The following PPFIA1 variants were observed in gnomAD, a reference collection of about 807,000 sequenced individuals.
The protein encoded by PPFIA1 is PPFI scaffold protein A1.
A neutral mutation model predicts 149.9 loss-of-function variants in PPFIA1; 25 were observed. The observed-to-expected ratio is 0.17, with a 90% CI of 0.12 to 0.23. The LOEUF (loss-of-function observed/expected upper bound fraction) is 0.23, where lower values mean the gene tolerates loss of function less well. Among genes scored for constraint, PPFIA1 ranks in the 10% least tolerant of loss-of-function variants. PPFIA1 has a pLI of 1.00. For synonymous variants in PPFIA1, 549 were observed against 552.8 expected, an observed-to-expected ratio of 0.99 and a Z score of 0.10; for missense variants, 1,362 against 1,506.5, an observed-to-expected ratio of 0.90 and a Z score of 1.59.
intron 15 of PPFIA1, among the ~76,000 whole-genome samples, chr11:70,344,793 G>T (rs763517890): frequency 6.6e-6 from 1 of 152,202 alleles, no homozygotes; most frequent in South Asian, 2.1e-4. Context: ...ACAAACAGTC[G>T]ACAGATAGAG....
intron 2 of PPFIA1, among the ~76,000 whole-genome samples, chr11:70,313,291 G>A (rs548070590): frequency 6.6e-6 from 1 of 152,324 alleles, no homozygotes; most frequent in East Asian, 1.9e-4. Flanking sequence ...GGCAGATAAT[G>A]CAACAGAAGT....
chr11:70,337,416 C>T lies in PPFIA1; in HGVS notation c.1480C>T (p.Gln494Ter), dbSNP rs2055048981. Residue 494 changes from glutamine (Q) to a stop codon, truncating the protein, a stop_gained, in exon 12 of 28, where the codon CAA becomes TAA. Transcript: ENST00000253925. LOFTEE classifies it high-confidence loss of function. ...ESAKKQLEET[Q>*]HDKDQLVLNI... ...TGCAAAAAAGCAGTTAGAAGAAACA[C>T]AACACGATAAGGTACTGAAATCTTC... The T allele has an allele frequency of 6.3e-7, 1 of 1,595,256 alleles. No homozygotes were observed. The highest frequency in any genetic ancestry group is 8.5e-7 in the Non-Finnish European group (1 of 1,169,666).
In PPFIA1 at chr11:70,272,252, C is replaced by G. The variant is rs2050138181; in HGVS notation, c.80C>G (p.Pro27Arg). 1 of 1,614,174 alleles carries G rather than the reference C, an allele frequency of 6.2e-7. No individual in the cohort carries two copies. Among genetic ancestry groups the G allele is most frequent in the South Asian group, 1.1e-5 (1 of 91,088 alleles). The stretch of plus-strand genomic sequence containing the variant: ...GGTGGAGGCCATGGTTCCGGCTCCC[C>G]TTCACAGCCAGATGCAGATTCACAT... ...GGGGGHGSGS[P>R]SQPDADSHFE... is the part of the protein sequence containing the mutation. The change falls in exon 2 of 28, where the codon CCT becomes CGT. Residue 27 changes from proline to arginine, a missense_variant. Pro to Arg is a moderately radical substitution (Grantham distance 103). Transcript: ENST00000253925.
At chr11:70,340,590 C>T (rs2055269569) in intron 14 of PPFIA1, among the ~76,000 whole-genome samples, 1 of 152,184 alleles carries the variant, frequency 6.6e-6, no homozygotes, top group Admixed American at 6.5e-5. Flanking sequence ...CGTCACTCAA[C>T]AGCTAGTTTG....
chr11:70,295,337 C>G (rs2051856727), intron 2 of PPFIA1, among the ~76,000 whole-genome samples: 1 of 141,540 alleles, frequency 7.1e-6, no homozygotes, highest in Admixed American at 7.0e-5. Flanking sequence ...GGGGCTGACC[C>G]CCCCCACCTC....
In PPFIA1 at chr11:70,333,510, A is replaced by G; in HGVS notation, c.1253A>G (p.Gln418Arg). ...GGCAACATTGAAGAAAGGTTACGAC[A>G]GATGGAAGCACAGTTGGAGGAGAAG... ...RHGNIEERLR[Q>R]MEAQLEEKNQ... Residue 418 changes from glutamine to arginine, a missense_variant, in exon 10 of 28, where the codon CAG (glutamine) becomes CGG (arginine). By Grantham distance (43) the Gln-to-Arg change is conservative (BLOSUM62 1). Transcript: ENST00000253925. 1 of 1,613,484 alleles carries G rather than the reference A, an allele frequency of 6.2e-7. No individual in the cohort carries two copies. Among genetic ancestry groups the G allele is most frequent in the Non-Finnish European group, 8.5e-7 (1 of 1,179,788 alleles).
intron 26 of PPFIA1, among the ~76,000 whole-genome samples, chr11:70,380,411 C>CAA (rs1183784440): frequency 3.7e-4 from 42 of 113,100 alleles, no homozygotes; most frequent in Middle Eastern, 4.7e-3. Context: ...ACTAAAAATA[C>CAA]AAAAAAAAAA....
At chr11:70,372,044 T>A (rs986425177) in intron 21 of PPFIA1, 171 bp from the exon 22 acceptor site, 8 of 478,922 alleles carry the variant, frequency 1.7e-5, no homozygotes, top group Non-Finnish European at 2.4e-5. Context: ...ATAAAAATTT[T>A]ACTAACAAAT....
At chr11:70,286,925 T>C (rs1476660453) in intron 2 of PPFIA1, among the ~76,000 whole-genome samples, 1 of 140,790 alleles carries the variant, frequency 7.1e-6, no homozygotes, top group Admixed American at 7.0e-5. Context: ...TATACACACA[T>C]ATATATACAC....
chr11:70,352,518 C>T (rs1311293442), intron 16 of PPFIA1, among the ~76,000 whole-genome samples: 1 of 152,054 alleles, frequency 6.6e-6, no homozygotes, highest in Non-Finnish European at 1.5e-5. Flanking sequence ...TACTTGGTGT[C>T]TTTGAGGAGC....
At chr11:70,338,776 G>A (rs2055132797) in intron 13 of PPFIA1, among the ~76,000 whole-genome samples, 1 of 152,232 alleles carries the variant, frequency 6.6e-6, no homozygotes, top group African/African-American at 2.4e-5. Flanking sequence ...TGCTGGCACG[G>A]GTGGGACAAT....
At chr11:70,334,336 A>C (rs1293124743) in intron 10 of PPFIA1, 1 of 152,170 alleles carries the variant, frequency 6.6e-6, no homozygotes, top group African/African-American at 2.4e-5. Flanking sequence ...ATTTAAGGCT[A>C]CTAGATTTTG....
intron 21 of PPFIA1, chr11:70,365,418 G>A (rs756552898): frequency 1.8e-5 from 8 of 456,438 alleles, no homozygotes; most frequent in East Asian, 1.4e-4. Flanking sequence ...GGAAACGCTC[G>A]CAGCCACGCC....
chr11:70,310,206 A>C (rs75294288), intron 2 of PPFIA1, among the ~76,000 whole-genome samples: 1 of 152,182 alleles, frequency 6.6e-6, no homozygotes, highest in Admixed American at 6.5e-5. Flanking sequence ...TGTGTTTATT[A>C]TAAAGTGGCT....
At chr11:70,298,265 G>A (rs1033013027) in intron 2 of PPFIA1, among the ~76,000 whole-genome samples, 1 of 152,160 alleles carries the variant, frequency 6.6e-6, no homozygotes, top group African/African-American at 2.4e-5. Context: ...GTGTGTAGTG[G>A]GGTGCTGAGC....
chr11:70,380,045 T>C (rs2057645774), intron 26 of PPFIA1, among the ~76,000 whole-genome samples: 1 of 152,236 alleles, frequency 6.6e-6, no homozygotes, highest in Non-Finnish European at 1.5e-5. Context: ...TCAGTTTTCC[T>C]TCTGATAAAT....
chr11:70,299,896 A>T lies in PPFIA1; in HGVS notation c.265-24506A>T, dbSNP rs571120349. ...CACACTTGCCACAGCCACCAGCCTAACCTCAGCCATCGCTTTGGGAGGGTT... is the reference window on the plus strand; with the variant it reads ...CACACTTGCCACAGCCACCAGCCTATCCTCAGCCATCGCTTTGGGAGGGTT... On this transcript the variant is annotated intron_variant, in intron 2 of 27. Coordinates refer to ENST00000253925, the MANE Select transcript of PPFIA1 (RefSeq NM_003626.5). 2.2e-4 allele frequency among the ~76,000 whole-genome samples: 33 copies of T among 152,208 alleles called. No individual in the cohort carries two copies. In the South Asian group the frequency reaches 6.8e-3, roughly 32 times the overall value.
chr11:70,348,322 C>G lies in PPFIA1; in HGVS notation c.2065C>G (p.Leu689Val), dbSNP rs758113105. ...CATTCCCCCCTACCCTGCTTCCTCGCTTGCTAGCTCCTCCCCTCCGGGCAG... is the reference window on the plus strand; with the variant it reads ...CATTCCCCCCTACCCTGCTTCCTCGGTTGCTAGCTCCTCCCCTCCGGGCAG... ...SSIPPYPASS[L>V]ASSSPPGSGR... is the part of the protein sequence containing the mutation. Residue 689 changes from leucine to valine, a missense_variant, in exon 16 of 28, where the codon CTT becomes GTT. Leu to Val is a conservative substitution (Grantham distance 32, BLOSUM62 1). Transcript: ENST00000253925. 3 of 1,614,204 alleles carry G rather than the reference C, an allele frequency of 1.9e-6. No homozygotes were observed. Among genetic ancestry groups the G allele is most frequent in the East Asian group, 2.2e-5 (1 of 44,876 alleles).
intron 2 of PPFIA1, among the ~76,000 whole-genome samples, chr11:70,314,757 C>T (rs964423210): frequency 6.6e-6 from 1 of 152,050 alleles, no homozygotes; most frequent in African/African-American, 2.4e-5. Flanking sequence ...GCATGTATTT[C>T]TTAAAGAGAA....
Sources: gnomAD v4.1 joint callset for allele counts (sites outside exome capture counted in the v4.1 genomes callset) on GRCh38, gnomAD v4.1.1 for gene constraint, MANE v1.5 for transcripts, NCBI Gene and HGNC (gene_info 2026-07-23, HGNC 2026-07-21) for gene names.